The following ZNF460 variants were observed in gnomAD, a reference collection of about 807,000 sequenced individuals.
ZNF460 encodes the protein zinc finger protein 460, also known as zinc finger protein 272.
In ZNF460, 1 loss-of-function variant was observed where a neutral mutation model predicts 8.4. The observed-to-expected ratio is 0.12, with a 90% CI of 0.04 to 0.56. ZNF460 has a LOEUF of 0.56. Ranked by LOEUF, ZNF460 falls within the 20% of genes least tolerant of loss-of-function variation. ZNF460 has a pLI of 0.91. For missense variants in ZNF460, 477 were observed against 714.8 expected (o/e 0.67, Z 3.79); for synonymous variants, 262 against 259.9 (o/e 1.01, Z -0.08).
intron 1 of ZNF460, among the ~76,000 whole-genome samples, chr19:57,283,631 A>G (rs2122884346): frequency 6.8e-6 from 1 of 146,112 alleles, no homozygotes; most frequent in South Asian, 2.1e-4. Context: ...CCTCCCTAGT[A>G]GCTGGGATTG....
chr19:57,291,835 A>G lies in ZNF460; in HGVS notation c.1294A>G (p.Met432Val), dbSNP rs765202191. 1.2e-6 allele frequency: 2 copies of G among 1,614,150 alleles called. No individual in the cohort carries two copies. The highest frequency in any genetic ancestry group is 2.2e-5 in the East Asian group (1 of 44,880). ...CLQCGKAFTR[M>V]SGLTRHQWIH... ...ACAGTGTGGAAAGGCTTTTACCCGC[A>G]TGTCAGGGCTCACAAGGCACCAGTG... Residue 432 changes from methionine (M) to valine (V), a missense_variant, in exon 3 of 3, where the codon ATG (methionine) becomes GTG (valine). Coordinates refer to ENST00000360338, the MANE Select transcript of ZNF460 (RefSeq NM_006635.4). The surrounding 1 kb of genome is among the most constrained non-coding windows in gnomAD (Gnocchi z 8.4).
chr19:57,282,761 A>C (rs1394015659), intron 1 of ZNF460, among the ~76,000 whole-genome samples: 1 of 152,044 alleles, frequency 6.6e-6, no homozygotes, highest in African/African-American at 2.4e-5. Context: ...AGGCTGAGGT[A>C]GGTGGACTGC....
rs1316815715 is a variant in ZNF460 at position 57,291,356 on chromosome 19, G to A, written c.815G>A (p.Arg272Gln). 7.4e-6 allele frequency: 12 copies of A among 1,614,070 alleles called. No homozygotes were observed. Among genetic ancestry groups the A allele is most frequent in the Non-Finnish European group, 1.0e-5 (12 of 1,180,010 alleles). ...NRGSHLTRHQRVHSGEKPFVC... is the reference protein window; with the variant it reads ...NRGSHLTRHQQVHSGEKPFVC... ...GGGTCGCACCTTACACGGCACCAGC[G>A]GGTTCACAGTGGAGAGAAGCCTTTT... The change falls in exon 3 of 3, where the codon CGG becomes CAG. Residue 272 changes from arginine (R) to glutamine (Q), a missense_variant. Around this residue, in one of 5 missense-constraint regions of ZNF460, gnomAD observed 193 missense variants for 391.7 expected, o/e 0.49. Coordinates refer to ENST00000360338, the MANE Select transcript of ZNF460 (RefSeq NM_006635.4). This position sits in a 1 kb window ranked among gnomAD's most constrained non-coding sequence, Gnocchi z 8.4.
In ZNF460 at chr19:57,292,727, A is replaced by G. The variant is rs1262459807; in HGVS notation, c.*497A>G. ...AATGTTTCAGAAACAAAAGGGCCTC[A>G]TCCCCTTTATTTTCCCTGTGTATAC... On this transcript the variant is annotated 3_prime_UTR_variant, in exon 3 of 3. Transcript: ENST00000360338. 1.9e-5 allele frequency: 3 copies of G among 160,190 alleles called. No homozygotes were observed. The highest frequency in any genetic ancestry group is 3.7e-4 in the East Asian group (2 of 5,462). The allele number at this position is 160,190 out of a possible 1,614,324, so 9.9% of individuals were successfully genotyped here.
Position 57,280,728 on chromosome 19 carries a change from C to G in ZNF460, c.-79C>G. The G allele has an allele frequency of 1.9e-6, 3 of 1,586,356 alleles. No individual in the cohort carries two copies. The highest frequency in any genetic ancestry group is 1.1e-5 in the South Asian group (1 of 88,662). On this transcript the variant is annotated 5_prime_UTR_variant, in exon 1 of 3. Transcript: ENST00000360338. ...TTTTTTTCGGGGGAAAACTGAGGCT[C>G]GGAGTGCGAAAGTCAGCCGAGGTCG...
At chr19:57,281,517 GGTGA>G (rs1372674590) in intron 1 of ZNF460, among the ~76,000 whole-genome samples, 1 of 151,228 alleles carries the variant, frequency 6.6e-6, no homozygotes, top group Non-Finnish European at 1.5e-5. Context: ...TGGGCTGATC[GGTGA>G]GTATTATTTA....
chr19:57,292,575 G>C lies in ZNF460; in HGVS notation c.*345G>C, dbSNP rs963727237. The C allele has an allele frequency of 1.1e-5, 2 of 187,630 alleles. No homozygotes were observed. The highest frequency in any genetic ancestry group is 5.4e-5 in the Admixed American group (1 of 18,626). The allele number at this position is 187,630 out of a possible 1,614,324, so 11.6% of individuals were successfully genotyped here. On this transcript the variant is annotated 3_prime_UTR_variant, in exon 3 of 3. Coordinates refer to ENST00000360338, the MANE Select transcript of ZNF460 (RefSeq NM_006635.4). Reference sequence around the variant, plus strand: ...TAGTTTACAGTGAAATGTTATCTCAGGGACATTCAAACAAAGGAGGAGGAG... The same window carrying C: ...TAGTTTACAGTGAAATGTTATCTCACGGACATTCAAACAAAGGAGGAGGAG...
intron 2 of ZNF460, among the ~76,000 whole-genome samples, 177 bp downstream of exon 2, chr19:57,284,854 T>A (rs1022352076): frequency 1.3e-5 from 2 of 150,590 alleles, no homozygotes. Context: ...TTCGCTCTTG[T>A]TGCCCAGGCT....
intron 1 of ZNF460, among the ~76,000 whole-genome samples, chr19:57,284,235 A>AT (rs966285687): frequency 2.6e-4 from 38 of 148,336 alleles, no homozygotes; most frequent in African/African-American, 4.0e-4. Context: ...TTATTTATTT[A>AT]TTTTTTTTTG....
intron 2 of ZNF460, among the ~76,000 whole-genome samples, chr19:57,287,199 T>A (rs2087885809): frequency 6.6e-6 from 1 of 152,192 alleles, no homozygotes; most frequent in South Asian, 2.1e-4. Flanking sequence ...GATCATCATG[T>A]CTGTGTTATT....
intron 2 of ZNF460, among the ~76,000 whole-genome samples, chr19:57,288,251 G>A (rs76723399): frequency 0.2 from 29,982 of 151,984 alleles, 3,861 homozygotes; most frequent in Non-Finnish European, 0.26. Flanking sequence ...CGCCCAGGCT[G>A]GAGCGCAGTG....
At chr19:57,289,454 C>G (rs2122893143) in intron 2 of ZNF460, among the ~76,000 whole-genome samples, 1 of 152,274 alleles carries the variant, frequency 6.6e-6, no homozygotes, top group Non-Finnish European at 1.5e-5. Context: ...GCTAATATGT[C>G]CTTCTAACTT....
chr19:57,280,966 C>T (rs2087834067), intron 1 of ZNF460, 130 bp downstream of exon 1: 1 of 1,342,160 alleles, frequency 7.5e-7, no homozygotes, highest in Non-Finnish European at 1.0e-6. Flanking sequence ...ATGGCCGTGG[C>T]TTGTCATTTC....
chr19:57,280,475 G>C (rs2087828400), upstream of ZNF460: 2 of 360,642 alleles, frequency 5.5e-6, no homozygotes, highest in Non-Finnish European at 1.0e-5. Context: ...CCGTGGGCCG[G>C]TTTGGCCCTG....
chr19:57,282,473 C>G (rs1370586235), intron 1 of ZNF460, among the ~76,000 whole-genome samples: 2 of 152,132 alleles, frequency 1.3e-5, no homozygotes, highest in African/African-American at 4.8e-5. Flanking sequence ...CAGGTCCAGG[C>G]CCTAACACCT....
At chr19:57,286,788 C>A (rs1245436449) in intron 2 of ZNF460, among the ~76,000 whole-genome samples, 1 of 151,760 alleles carries the variant, frequency 6.6e-6, no homozygotes, top group Non-Finnish European at 1.5e-5. Flanking sequence ...ATGGCGAAAC[C>A]CCGTCTCTAC....
In ZNF460 at chr19:57,293,309, A is replaced by G. The variant is rs775221021; in HGVS notation, c.*1079A>G. The G allele has an allele frequency of 6.6e-6, 1 of 152,154 alleles. No homozygotes were observed. The highest frequency in any genetic ancestry group is 1.5e-5 in the Non-Finnish European group (1 of 68,022). 9.4% of individuals were successfully genotyped at this position (152,154 alleles called of 1,614,324 possible). On this transcript the variant is annotated 3_prime_UTR_variant, in exon 3 of 3. Coordinates refer to ENST00000360338, the MANE Select transcript of ZNF460 (RefSeq NM_006635.4). ...AAAATAAACACAGAGAAGGAATCTC[A>G]TTTTTCAGTCTTACAGAAGATTGTG... is the stretch of plus-strand genomic sequence containing the variant.
chr19:57,283,145 GTT>G (rs59796969), intron 1 of ZNF460, among the ~76,000 whole-genome samples: 45,265 of 142,780 alleles, frequency 0.32, 8,254 homozygotes, highest in African/African-American at 0.51. Context: ...GTGTTTGTTT[GTT>G]TTTTTTTTTT....
At position 57,293,681 on chromosome 19, in the gene ZNF460, G is replaced by A. The variant is rs1427374002; in HGVS notation, c.*1451G>A. On this transcript the variant is annotated 3_prime_UTR_variant, in exon 3 of 3. Transcript: ENST00000360338. The stretch of plus-strand genomic sequence containing the variant: ...AATATAAAATGTATTATTGCCAATT[G>A]TACTCATTCTGCAGTGCCACAGAAC... The A allele has an allele frequency of 1.3e-5, 2 of 152,108 alleles. No homozygotes were observed. The highest frequency in any genetic ancestry group is 4.8e-5 in the African/African-American group (2 of 41,430). 9.4% of individuals were successfully genotyped at this position (152,108 alleles called of 1,614,324 possible).
Sources: gnomAD v4.1 joint callset for allele counts (sites outside exome capture counted in the v4.1 genomes callset) on GRCh38, gnomAD v4.1.1 for gene constraint, gnomAD v4.1.1 regional missense constraint, Gnocchi (gnomAD v3.1) non-coding constraint, MANE v1.5 for transcripts, NCBI Gene and HGNC (gene_info 2026-07-23, HGNC 2026-07-21) for gene names.